AFF3: variants seen among roughly 807,000 people sequenced by gnomAD.
The protein encoded by AFF3 is ALF transcription elongation factor 3.
In AFF3, 32 loss-of-function variants were observed where a neutral mutation model predicts 129.7. The observed-to-expected ratio is 0.25, with a 90% confidence interval of 0.19 to 0.33. The LOEUF is 0.33. Among genes scored for constraint, AFF3 ranks in the 10% least tolerant of loss-of-function variants. The pLI is 1.00. For synonymous variants in AFF3, 644 were observed against 635.4 expected (o/e 1.01, Z -0.20); for missense variants, 1,373 against 1,592.0 (o/e 0.86, Z 2.34).
chr2:99,839,197 C>T (rs113775733), intron 7 of AFF3, among the ~76,000 whole-genome samples: 83 of 152,200 alleles, frequency 5.5e-4, no homozygotes, highest in African/African-American at 2.0e-3. Flanking sequence ...GCAACCTCTA[C>T]CTCCTGGGTT....
chr2:99,601,570 G>T lies in AFF3; in HGVS notation c.1236C>A (p.Gly412=). ...TGCCGCTGCTGCTGCTGCTGCTGCT[G>T]CCCTTGCTGGAAGGCACCGAGGTTC... The part of the protein sequence containing the change: ...NCRTSVPSSK[G]SSSSSSSGSS... Residue 412 remains glycine (G), a synonymous_variant, in exon 14 of 25, where the codon GGC becomes GGA. Coordinates refer to ENST00000672756, the MANE Select transcript of AFF3 (RefSeq NM_001386135.1). 6.3e-7 allele frequency: 1 copy of T among 1,599,484 alleles called. No homozygotes were observed.
intron 16 of AFF3, among the ~76,000 whole-genome samples, chr2:99,585,028 T>A (rs757535256): frequency 1.3e-5 from 2 of 152,326 alleles, no homozygotes; most frequent in Non-Finnish European, 2.9e-5. Flanking sequence ...GCACGGTGTG[T>A]CTAACAACAT....
At chr2:99,670,425 G>A (rs1389411353) in intron 12 of AFF3, among the ~76,000 whole-genome samples, 1 of 152,048 alleles carries the variant, frequency 6.6e-6, no homozygotes, top group Non-Finnish European at 1.5e-5. Context: ...CTGAGGCAAG[G>A]GATTTTTAAA....
intron 10 of AFF3, among the ~76,000 whole-genome samples, chr2:99,733,001 T>C (rs1679955610): frequency 6.6e-6 from 1 of 152,214 alleles, no homozygotes; most frequent in Non-Finnish European, 1.5e-5. Context: ...TTAGTATTAA[T>C]TTCTTATTCA....
intron 24 of AFF3, among the ~76,000 whole-genome samples, chr2:99,553,917 C>CAAAAAAAAAAAAAAAAAAAAA (rs1674649199): frequency 2.8e-5 from 2 of 72,454 alleles, no homozygotes; most frequent in Admixed American, 1.5e-4. Flanking sequence ...CTGTCTCAAA[C>CAAAAAAAAAAAAAAAAAAAAA]CAAAAAAAAA....
At chr2:99,576,648 T>C (rs1232939391) in intron 18 of AFF3, among the ~76,000 whole-genome samples, 1 of 152,214 alleles carries the variant, frequency 6.6e-6, no homozygotes, top group Non-Finnish European at 1.5e-5. Flanking sequence ...CATATGTGTT[T>C]GTATTTTGTG....
At chr2:100,009,146 C>T (rs573253459) in intron 4 of AFF3, among the ~76,000 whole-genome samples, 1 of 152,268 alleles carries the variant, frequency 6.6e-6, no homozygotes, top group African/African-American at 2.4e-5. Flanking sequence ...GGACCAGTTC[C>T]AACCAGTACT....
chr2:99,830,438 T>C (rs1210840939), intron 8 of AFF3, among the ~76,000 whole-genome samples: 1 of 152,100 alleles, frequency 6.6e-6, no homozygotes, highest in African/African-American at 2.4e-5. Context: ...AAGGAGCACC[T>C]CCTCCTGCCA....
At chr2:99,889,455 C>G (rs746063962) in intron 7 of AFF3, among the ~76,000 whole-genome samples, 1 of 152,232 alleles carries the variant, frequency 6.6e-6, no homozygotes, top group Non-Finnish European at 1.5e-5. Flanking sequence ...CACATGCCAT[C>G]TCCAACATGT....
rs1576158913 is a variant in AFF3, at chr2:99,841,611, C to A, written c.874-4087G>T. On this transcript the variant is annotated intron_variant, in intron 7 of 24. Coordinates refer to ENST00000672756, the MANE Select transcript of AFF3 (RefSeq NM_001386135.1). ...CCACATTGGTTTGAATCTCCAGGACCCCATTTAGATTGGAGTGAATCCATG... is the reference window on the plus strand; with the variant it reads ...CCACATTGGTTTGAATCTCCAGGACACCATTTAGATTGGAGTGAATCCATG... 2.0e-5 allele frequency among the ~76,000 whole-genome samples: 3 copies of A among 152,232 alleles called. No homozygotes were observed. The East Asian group carries it at 5.8e-4, about 29-fold the overall frequency.
rs963436191 is a variant in AFF3 at position 99,550,846 on chromosome 2, G to T, written c.*628C>A. Reference sequence around the variant, plus strand: ...GTCAGATGGGGGAAGGGAATTAGAGGAAGAGCAGGGTATTTGGTAACATGC... The same window carrying T: ...GTCAGATGGGGGAAGGGAATTAGAGTAAGAGCAGGGTATTTGGTAACATGC... On this transcript the variant is annotated 3_prime_UTR_variant, in exon 25 of 25. Coordinates refer to ENST00000672756, the MANE Select transcript of AFF3 (RefSeq NM_001386135.1). 1 of 238,260 alleles carries T rather than the reference G, an allele frequency of 4.2e-6. No homozygotes were observed. The highest frequency in any genetic ancestry group is 8.2e-6 in the Non-Finnish European group (1 of 121,490). 14.8% of individuals were successfully genotyped at this position (238,260 alleles called of 1,614,324 possible).
At chr2:99,934,993 T>C (rs1334986662) in intron 7 of AFF3, among the ~76,000 whole-genome samples, 1 of 152,252 alleles carries the variant, frequency 6.6e-6, no homozygotes, top group African/African-American at 2.4e-5. Context: ...TACATTTGAC[T>C]GTCATGTATA....
intron 13 of AFF3, among the ~76,000 whole-genome samples, chr2:99,641,189 AGTAGGGTAATATT>A (rs1684158387): frequency 6.6e-6 from 1 of 152,018 alleles, no homozygotes; most frequent in Non-Finnish European, 1.5e-5. Context: ...CCTGTCAGAG[AGTAGGGTAATATT>A]GTACCTGTGT....
intron 12 of AFF3, among the ~76,000 whole-genome samples, chr2:99,669,851 G>A (rs955179635): frequency 6.6e-6 from 1 of 152,148 alleles, no homozygotes; most frequent in Non-Finnish European, 1.5e-5. Context: ...TTAGGAGGCC[G>A]AGGCAGCAGA....
At chr2:99,585,220 C>G (rs1416682111) in intron 16 of AFF3, among the ~76,000 whole-genome samples, 1 of 152,154 alleles carries the variant, frequency 6.6e-6, no homozygotes, top group Non-Finnish European at 1.5e-5. Context: ...TTTTACAGTG[C>G]ATGGAAAACA....
At chr2:99,716,269 A>G (rs1399401838) in intron 11 of AFF3, among the ~76,000 whole-genome samples, 1 of 152,148 alleles carries the variant, frequency 6.6e-6, no homozygotes, top group African/African-American at 2.4e-5. Flanking sequence ...TATTTCAATT[A>G]CTTGATCTTC....
intron 13 of AFF3, among the ~76,000 whole-genome samples, chr2:99,617,546 A>G (rs543320801): frequency 2.7e-4 from 41 of 152,344 alleles, no homozygotes; most frequent in African/African-American, 9.9e-4. Context: ...CAAGTTGTTT[A>G]TCTGATATAC....
At chr2:99,700,639 T>G (rs1676760140) in intron 11 of AFF3, among the ~76,000 whole-genome samples, 2 of 152,358 alleles carry the variant, frequency 1.3e-5, no homozygotes, top group South Asian at 4.1e-4. Context: ...CAGCTCTGTT[T>G]ACCTGAAAGT....
At chr2:99,943,855 G>C (rs972124952) in intron 7 of AFF3, among the ~76,000 whole-genome samples, 2 of 152,028 alleles carry the variant, frequency 1.3e-5, no homozygotes, top group Non-Finnish European at 2.9e-5. Context: ...TCTCTCAGAT[G>C]AATATTTCAG....
Sources: allele counts gnomAD v4.1 joint callset (sites outside exome capture counted in the v4.1 genomes callset), GRCh38; gene constraint gnomAD v4.1.1; transcripts MANE v1.5; gene names NCBI Gene and HGNC (gene_info 2026-07-23, HGNC 2026-07-21).